SH3BP2: variants seen among roughly 807,000 people sequenced by gnomAD.
SH3BP2 encodes SH3 domain-binding protein 2.
A neutral mutation model predicts 56.2 loss-of-function variants in SH3BP2; 38 were observed. That is an observed-to-expected ratio of 0.68 (90% CI 0.52 to 0.89). SH3BP2 has a LOEUF of 0.89. Ranked by LOEUF, SH3BP2 falls within the 40% of genes least tolerant of loss-of-function variation. SH3BP2 has a pLI of 0.00. For missense variants in SH3BP2, 748 were observed against 762.6 expected (o/e 0.98, Z 0.23); for synonymous variants, 346 against 316.7 (o/e 1.09, Z -0.98).
chr4:2,824,813 G>A (rs772825922), intron 4 of SH3BP2, 83 bp downstream of exon 4: 4 of 1,076,830 alleles, frequency 3.7e-6, no homozygotes, highest in African/African-American at 3.1e-5. Context: ...TTGGGGGCTC[G>A]CTGGTCCTGG....
intron 1 of SH3BP2, among the ~76,000 whole-genome samples, chr4:2,801,929 G>A (rs568299962): frequency 3.3e-5 from 5 of 152,222 alleles, no homozygotes; most frequent in Admixed American, 6.5e-5. Flanking sequence ...CCACCGTGGT[G>A]AAACCCCGGC....
Position 2,827,319 on chromosome 4 carries a change from G to C in SH3BP2, c.517+1G>C. 6.2e-7 allele frequency: 1 copy of C among 1,613,778 alleles called. No homozygotes were observed. Among genetic ancestry groups the C allele is most frequent in the South Asian group, 1.1e-5 (1 of 91,082 alleles). ...TCCCCGTACCCCACGGACAATGAAG[G>C]TGAGGTCTTTCTCCGCATCCACTGC... On this transcript the variant is annotated splice_donor_variant, in intron 6 of 12. Transcript: ENST00000503393. LOFTEE classifies it high-confidence loss of function.
Position 2,827,187 on chromosome 4 carries a change from G to A in SH3BP2, c.429-43G>A. 1.9e-6 allele frequency: 3 copies of A among 1,551,230 alleles called. 1 individual carries two copies. The highest frequency in any genetic ancestry group is 3.4e-4 in the Middle Eastern group (2 of 5,968). On this transcript the variant is annotated intron_variant, in intron 5 of 12. Coordinates refer to ENST00000503393, the MANE Select transcript of SH3BP2 (RefSeq NM_001122681.2). ...TGTGTGAGCATCAAGGGACCTCCCAGGCCTGGTGCTCACCGTCCGCCCCAA... is the reference window on the plus strand; with the variant it reads ...TGTGTGAGCATCAAGGGACCTCCCAAGCCTGGTGCTCACCGTCCGCCCCAA...
rs1243636368 is a variant in SH3BP2 at position 2,837,115 on chromosome 4, G to T, written c.*3281G>T. 6.6e-6 allele frequency: 1 copy of T among 152,022 alleles called. No homozygotes were observed. The highest frequency in any genetic ancestry group is 1.9e-4 in the East Asian group (1 of 5,164). 9.4% of individuals were successfully genotyped at this position (152,022 alleles called of 1,614,324 possible). On this transcript the variant is annotated 3_prime_UTR_variant, in exon 13 of 13. Coordinates refer to ENST00000503393, the MANE Select transcript of SH3BP2 (RefSeq NM_001122681.2). ...GGCTAGAGTGGATTGGCGTGATCTC[G>T]GCTCAATGCAAATCTCCAGGGTTCA... is the stretch of plus-strand genomic sequence containing the variant.
chr4:2,824,032 G>A (rs1724456012), intron 3 of SH3BP2, among the ~76,000 whole-genome samples: 1 of 152,246 alleles, frequency 6.6e-6, no homozygotes, highest in African/African-American at 2.4e-5. Flanking sequence ...CATGCCCCAG[G>A]GAATTGTCTA....
At chr4:2,812,732 C>CA (rs1352251992) in intron 1 of SH3BP2, among the ~76,000 whole-genome samples, 1 of 81,958 alleles carries the variant, frequency 1.2e-5, no homozygotes, top group East Asian at 4.2e-4. Context: ...ACCCCCCCCA[C>CA]CCCCCCATCA....
intron 8 of SH3BP2, 52 bp downstream of exon 8, chr4:2,830,199 C>T: frequency 6.5e-7 from 1 of 1,534,548 alleles, no homozygotes; most frequent in Non-Finnish European, 8.8e-7. Context: ...GGGACCCTGG[C>T]CTGGCCTCTG....
rs575433441 is a variant in SH3BP2 at position 2,811,719 on chromosome 4, T to C, written c.-4-8895T>C. The C allele has an allele frequency of 6.1e-4, 95 of 155,718 alleles. 1 individual carries two copies. The highest frequency in any genetic ancestry group is 1.4e-3 in the South Asian group (7 of 5,162). 9.6% of individuals were successfully genotyped at this position (155,718 alleles called of 1,614,324 possible). ...TGCGGGGACGTGAAAAGGCTGGGGA[T>C]AGAGTAGGAATCGAGGAATGCCAGA... On this transcript the variant is annotated intron_variant, in intron 1 of 12. Transcript: ENST00000503393.
intron 1 of SH3BP2, chr4:2,796,309 G>C (rs1479616791): frequency 3.3e-6 from 2 of 615,328 alleles, no homozygotes; most frequent in Middle Eastern, 8.1e-4. Flanking sequence ...ACAGGAGTTC[G>C]AGGTGGTGCA....
rs1402589079 is a variant in SH3BP2, at chr4:2,827,305, C to T, written c.504C>T (p.Pro168=). ...RPVDISLSPY[P]TDNEDYEHDD... is the part of the protein sequence containing the mutation. ...TGGATATCAGCCTTTCCCCGTACCC[C>T]ACGGACAATGAAGGTGAGGTCTTTC... is the stretch of plus-strand genomic sequence containing the variant. Residue 168 remains proline (P), a synonymous_variant, in exon 6 of 13, where the codon CCC becomes CCT. Transcript: ENST00000503393. 2.5e-6 allele frequency: 4 copies of T among 1,614,112 alleles called. No individual in the cohort carries two copies. Among genetic ancestry groups the T allele is most frequent in the Non-Finnish European group, 2.5e-6 (3 of 1,179,930 alleles).
Position 2,831,503 on chromosome 4 carries a change from G to T in SH3BP2, c.1242-68G>T. ...TCACACAGAGGGTGGAGTGGGGAGG[G>T]GAGCAGAGGGTGGCCGCCCCGTGTC... On this transcript the variant is annotated intron_variant, in intron 8 of 12. Coordinates refer to ENST00000503393, the MANE Select transcript of SH3BP2 (RefSeq NM_001122681.2). This position sits in a 1 kb window ranked among gnomAD's most constrained non-coding sequence, Gnocchi z 4.1. The T allele has an allele frequency of 8.4e-7, 1 of 1,187,010 alleles. No individual in the cohort carries two copies. Among genetic ancestry groups the T allele is most frequent in the South Asian group, 1.3e-5 (1 of 76,718 alleles). 73.5% of individuals were successfully genotyped at this position (1,187,010 alleles called of 1,614,324 possible).
chr4:2,832,253 C>A, intron 10 of SH3BP2, 78 bp from the exon 11 acceptor site: 1 of 1,273,074 alleles, frequency 7.9e-7, no homozygotes, highest in Non-Finnish European at 1.2e-6. Context: ...GAAAGCCAGG[C>A]TTGGGAGCGG....
intron 1 of SH3BP2, among the ~76,000 whole-genome samples, chr4:2,801,449 T>C (rs1723277990): frequency 6.6e-6 from 1 of 152,236 alleles, no homozygotes; most frequent in Non-Finnish European, 1.5e-5. Flanking sequence ...TTTGCCTCTC[T>C]GTCAGCACCT....
Position 2,827,334 on chromosome 4 carries a change from G to T in SH3BP2, c.517+16G>T. The T allele has an allele frequency of 5.0e-6, 8 of 1,608,276 alleles. No individual in the cohort carries two copies. Among genetic ancestry groups the T allele is most frequent in the Non-Finnish European group, 6.8e-6 (8 of 1,174,696 alleles). ...GACAATGAAGGTGAGGTCTTTCTCC[G>T]CATCCACTGCCCGTTTGCCTCTCCC... On this transcript the variant is annotated intron_variant, in intron 6 of 12. Coordinates refer to ENST00000503393, the MANE Select transcript of SH3BP2 (RefSeq NM_001122681.2).
intron 6 of SH3BP2, 136 bp downstream of exon 6, chr4:2,827,454 G>A (rs1724732292): frequency 1.7e-6 from 2 of 1,171,300 alleles, no homozygotes; most frequent in Non-Finnish European, 2.5e-6. Context: ...TAGCATCCCT[G>A]GGCTCTGGCC....
chr4:2,794,997 A>T (rs1476352481), intron 1 of SH3BP2, among the ~76,000 whole-genome samples: 1 of 152,042 alleles, frequency 6.6e-6, no homozygotes, highest in Non-Finnish European at 1.5e-5. Flanking sequence ...CAGCTGTGTG[A>T]TCATGGCCAG....
intron 1 of SH3BP2, 108 bp from the exon 2 acceptor site, chr4:2,820,506 A>C: frequency 7.1e-7 from 1 of 1,413,626 alleles, no homozygotes. Context: ...TCATGGCCCT[A>C]CCCTCCAAGC....
At position 2,826,723 on chromosome 4, in the gene SH3BP2, T is replaced by C. The variant is rs560109645; in HGVS notation, c.429-507T>C. On this transcript the variant is annotated intron_variant, in intron 5 of 12. Transcript: ENST00000503393. ...GTGTGTGTGCATGTCCGCATGTTGC[T>C]CTGTGTGTGTGCATGTCCGCGTGTT... 2.3e-3 allele frequency: 825 copies of C among 362,158 alleles called. 16 individuals carry two copies. Among genetic ancestry groups the C allele is most frequent in the South Asian group, 0.016 (800 of 48,640 alleles). The allele number at this position is 362,158 out of a possible 1,614,324, so 22.4% of individuals were successfully genotyped here.
At position 2,824,707 on chromosome 4, in the gene SH3BP2, GCCT is replaced by G; in HGVS notation, c.340_342del (p.Ser114del). ...GAAGCACCGCACGTGGTTCTTCTCG[GCCT>G]CCTCCGAGGAGGAGCGCAAGGTGAC... On this transcript the variant is annotated inframe_deletion, in exon 4 of 13. Transcript: ENST00000503393. The G allele has an allele frequency of 6.2e-7, 1 of 1,613,496 alleles. No homozygotes were observed. Among genetic ancestry groups the G allele is most frequent in the Non-Finnish European group, 8.5e-7 (1 of 1,179,614 alleles).
Sources: gnomAD v4.1 joint callset for allele counts (sites outside exome capture counted in the v4.1 genomes callset) on GRCh38, gnomAD v4.1.1 for gene constraint, Gnocchi (gnomAD v3.1) non-coding constraint, MANE v1.5 for transcripts, NCBI Gene and HGNC (gene_info 2026-07-23, HGNC 2026-07-21) for gene names.